EYS: variants seen among roughly 807,000 people sequenced by gnomAD.
The protein encoded by EYS is EGF-like photoreceptor maintenance factor, also known as protein eyes shut homolog.
A neutral mutation model predicts 282.1 loss-of-function variants in EYS; 250 were observed. That is an observed-to-expected ratio of 0.89 (90% CI 0.80 to 0.98). EYS has a LOEUF of 0.98. Among genes scored for constraint, EYS ranks in the 50% least tolerant of loss-of-function variants. EYS has a pLI of 0.00. For synonymous variants in EYS, 1,355 were observed against 1,282.9 expected, an observed-to-expected ratio of 1.06 and a Z score of -1.20; for missense variants, 4,016 against 3,709.0, an observed-to-expected ratio of 1.08 and a Z score of -2.15.
intron 24 of EYS, among the ~76,000 whole-genome samples, chr6:64,609,204 G>T (rs912665553): frequency 2.6e-5 from 4 of 152,078 alleles, no homozygotes; most frequent in African/African-American, 9.7e-5. Flanking sequence ...TGTACCTAAA[G>T]CTCTTCCAGA....
chr6:64,535,575 CAAA>C lies in EYS; in HGVS notation c.5644+54645_5644+54647del, dbSNP rs10554389. 8.7e-3 allele frequency among the ~76,000 whole-genome samples: 1,238 copies of C among 142,392 alleles called. 16 individuals are homozygous for C. Among genetic ancestry groups the C allele is most frequent in the African/African-American group, 0.027 (1,019 of 38,452 alleles). 93.4% of individuals were successfully genotyped at this position (142,392 alleles called of 152,430 possible). A position where few individuals can be genotyped will look rare whatever the true frequency, so the allele number is the denominator to read the frequency against. On this transcript the variant is annotated intron_variant, in intron 26 of 42. Coordinates refer to ENST00000503581, the MANE Select transcript of EYS (RefSeq NM_001142800.2). ...CAACATAGTGAGACTTTGTTTCTAC[CAAA>C]AAAAAAAAAAAAATCAGCCAGTGTG...
intron 22 of EYS, among the ~76,000 whole-genome samples, chr6:64,645,993 T>G (rs1768337285): frequency 6.6e-6 from 1 of 152,214 alleles, no homozygotes; most frequent in Non-Finnish European, 1.5e-5. Flanking sequence ...GTTAAGATAT[T>G]AGACAGTTAC....
At chr6:65,454,468 G>C (rs1764528897) in intron 5 of EYS, among the ~76,000 whole-genome samples, 1 of 151,214 alleles carries the variant, frequency 6.6e-6, no homozygotes, top group Non-Finnish European at 1.5e-5. Context: ...CTTCAACTTG[G>C]CTAATAGTTT....
intron 12 of EYS, among the ~76,000 whole-genome samples, chr6:65,113,788 A>G (rs553845962): frequency 6.6e-6 from 1 of 152,162 alleles, no homozygotes; most frequent in South Asian, 2.1e-4. Context: ...TCCTGTAAGT[A>G]GCTGGAAGTG....
chr6:64,426,552 T>G (rs1034326046), intron 28 of EYS, among the ~76,000 whole-genome samples: 4 of 152,116 alleles, frequency 2.6e-5, no homozygotes, highest in African/African-American at 9.7e-5. Flanking sequence ...TTTTTTTTCT[T>G]TTTTTTGGAA....
At chr6:64,683,942 G>A (rs1412226803) in intron 22 of EYS, among the ~76,000 whole-genome samples, 2 of 152,110 alleles carry the variant, frequency 1.3e-5, no homozygotes, top group East Asian at 3.9e-4. Context: ...TAAGCCCAGA[G>A]CTTCCCCCGC....
At position 64,885,623 on chromosome 6, in the gene EYS, G is replaced by C. The variant is rs1767061882; in HGVS notation, c.2992+1074C>G. Reference sequence around the variant, plus strand: ...TTATAGTTGAAATTTAATGTTTCTTGTATATTATATGTAATGAACTTTGCA... The same window carrying C: ...TTATAGTTGAAATTTAATGTTTCTTCTATATTATATGTAATGAACTTTGCA... On this transcript the variant is annotated intron_variant, in intron 19 of 42. Transcript: ENST00000503581. Among the ~76,000 whole-genome samples the C allele has an allele frequency of 2.6e-5, 4 of 151,664 alleles. 1 individual carries two copies. In the South Asian group the frequency reaches 8.3e-4, roughly 31 times the overall value.
intron 33 of EYS, among the ~76,000 whole-genome samples, chr6:64,025,618 A>T (rs888686034): frequency 6.6e-6 from 1 of 152,174 alleles, no homozygotes; most frequent in South Asian, 2.1e-4. Flanking sequence ...AATCAGAAAG[A>T]CATAATTTTT....
chr6:64,315,123 A>T (rs920226697), intron 29 of EYS, among the ~76,000 whole-genome samples: 12 of 152,168 alleles, frequency 7.9e-5, no homozygotes, highest in Non-Finnish European at 2.9e-5. Flanking sequence ...AATACAAACT[A>T]CCATTAGAGA....
intron 2 of EYS, among the ~76,000 whole-genome samples, chr6:65,558,904 T>C (rs1768923458): frequency 1.3e-5 from 2 of 152,138 alleles, no homozygotes; most frequent in Admixed American, 6.5e-5. Context: ...TCCTTAATTA[T>C]AATGAGAGAG....
chr6:64,937,417 T>C (rs1244719760), intron 15 of EYS, among the ~76,000 whole-genome samples: 1 of 151,548 alleles, frequency 6.6e-6, no homozygotes, highest in Non-Finnish European at 1.5e-5. Context: ...GTATCCAAAA[T>C]ATATAAAATT....
intron 12 of EYS, among the ~76,000 whole-genome samples, chr6:65,064,339 G>T (rs1413105746): frequency 7.1e-6 from 1 of 140,942 alleles, no homozygotes; most frequent in Non-Finnish European, 1.5e-5. Flanking sequence ...TCCTGAATTT[G>T]CTATATATCA....
chr6:64,247,572 A>G (rs1221464929), intron 30 of EYS, among the ~76,000 whole-genome samples: 2 of 152,126 alleles, frequency 1.3e-5, no homozygotes, highest in African/African-American at 4.8e-5. Flanking sequence ...ACAAAAACTC[A>G]CCCATCAATA....
chr6:64,896,077 T>A (rs1767452397), intron 18 of EYS, among the ~76,000 whole-genome samples: 2 of 152,094 alleles, frequency 1.3e-5, no homozygotes, highest in Non-Finnish European at 2.9e-5. Context: ...ATTTTAAAAA[T>A]CATATATAAG....
At chr6:65,074,685 A>G (rs908853765) in intron 12 of EYS, among the ~76,000 whole-genome samples, 1 of 152,064 alleles carries the variant, frequency 6.6e-6, no homozygotes, top group African/African-American at 2.4e-5. Flanking sequence ...ATCATAGCAG[A>G]GAAATGAACA....
chr6:65,052,157 T>C (rs986129736), intron 13 of EYS, among the ~76,000 whole-genome samples: 14 of 151,546 alleles, frequency 9.2e-5, no homozygotes, highest in African/African-American at 3.4e-4. Context: ...GAAATAGTTA[T>C]AACTATGTGA....
chr6:64,851,120 T>C (rs189948607), intron 19 of EYS, among the ~76,000 whole-genome samples: 39 of 152,116 alleles, frequency 2.6e-4, no homozygotes, highest in Non-Finnish European at 1.2e-4. Flanking sequence ...GAAAATAACA[T>C]GGAAGCGACT....
intron 1 of EYS, among the ~76,000 whole-genome samples, chr6:65,696,952 T>C (rs1439345541): frequency 6.6e-6 from 1 of 152,010 alleles, no homozygotes; most frequent in Non-Finnish European, 1.5e-5. Context: ...ATACACCATA[T>C]TGAATTCTGT....
At chr6:64,208,674 G>A (rs1210280774) in intron 31 of EYS, among the ~76,000 whole-genome samples, 1 of 152,008 alleles carries the variant, frequency 6.6e-6, no homozygotes, top group African/African-American at 2.4e-5. Context: ...AGTATTTTGG[G>A]TTACAAGTAT....
Sources: allele counts gnomAD v4.1 joint callset (sites outside exome capture counted in the v4.1 genomes callset), GRCh38; gene constraint gnomAD v4.1.1; transcripts MANE v1.5; gene names NCBI Gene and HGNC (gene_info 2026-07-23, HGNC 2026-07-21).